The following TMC1 variants were observed in gnomAD, a reference collection of about 807,000 sequenced individuals.
TMC1 encodes transmembrane channel like 1.
TMC1 carries 84 observed loss-of-function variants against 105.8 expected under a neutral mutation model. The ratio of observed to expected loss-of-function variants is 0.79; its 90% CI spans 0.67 to 0.95. The LOEUF is 0.95. TMC1 is among the 40% of genes least tolerant of loss of function. The pLI is 0.00. For synonymous variants in TMC1, 315 were observed against 311.5 expected (o/e 1.01, Z -0.12); for missense variants, 817 against 914.1 (o/e 0.89, Z 1.37).
At chr9:72,653,975 C>A (rs1446332929) in intron 5 of TMC1, among the ~76,000 whole-genome samples, 3 of 152,056 alleles carry the variant, frequency 2.0e-5, no homozygotes, top group Non-Finnish European at 4.4e-5. Flanking sequence ...TAATTTGTTT[C>A]TTTTTATTGC....
chr9:72,544,799 T>TTTTTA (rs1554710229), intron 1 of TMC1, among the ~76,000 whole-genome samples: 53 of 150,682 alleles, frequency 3.5e-4, no homozygotes, highest in African/African-American at 1.3e-3. Flanking sequence ...TTTTTTTTTT[T>TTTTTA]AATTTCAATA....
chr9:72,688,834 T>A, intron 6 of TMC1, 78 bp downstream of exon 6: 1 of 1,218,526 alleles, frequency 8.2e-7, no homozygotes. Flanking sequence ...TCTTGTGGAC[T>A]TGAGCTACCA....
At chr9:72,656,951 CTGGT>C (rs1443303022) in intron 5 of TMC1, among the ~76,000 whole-genome samples, 2 of 152,192 alleles carry the variant, frequency 1.3e-5, no homozygotes, top group African/African-American at 2.4e-5. Context: ...TCTCCTCTGA[CTGGT>C]TGGTAGCCTA....
chr9:72,604,462 C>A (rs1824876176), intron 2 of TMC1, among the ~76,000 whole-genome samples: 1 of 152,214 alleles, frequency 6.6e-6, no homozygotes, highest in Non-Finnish European at 1.5e-5. Flanking sequence ...CCAATATCTT[C>A]ACATTTCTAC....
chr9:72,527,093 G>A (rs1288258803), intron 1 of TMC1, among the ~76,000 whole-genome samples: 1 of 152,198 alleles, frequency 6.6e-6, no homozygotes, highest in Non-Finnish European at 1.5e-5. Context: ...TAGGATGTTA[G>A]CTCTGAGGGG....
chr9:72,548,427 T>C (rs114768573), intron 1 of TMC1, among the ~76,000 whole-genome samples: 7,614 of 152,034 alleles, frequency 0.05, 303 homozygotes, highest in African/African-American at 0.11. Flanking sequence ...CAAAAATTAA[T>C]TGGGCATGGT....
chr9:72,650,651 C>T (rs746622030), intron 5 of TMC1, among the ~76,000 whole-genome samples: 93 of 151,832 alleles, frequency 6.1e-4, no homozygotes, highest in Non-Finnish European at 1.1e-3. Context: ...TCCCCTCCCT[C>T]ATTCTATCCT....
intron 17 of TMC1, among the ~76,000 whole-genome samples, chr9:72,795,045 G>T (rs1828339459): frequency 6.6e-6 from 1 of 152,114 alleles, no homozygotes; most frequent in South Asian, 2.1e-4. Context: ...TTGAAGACTG[G>T]CTCTCTGAAA....
intron 4 of TMC1, among the ~76,000 whole-genome samples, chr9:72,630,250 T>C (rs1025294089): frequency 1.3e-5 from 2 of 152,218 alleles, no homozygotes; most frequent in South Asian, 4.1e-4. Context: ...AATTACATGT[T>C]AAAACTAGGT....
intron 7 of TMC1, among the ~76,000 whole-genome samples, chr9:72,699,385 T>C (rs1486008057): frequency 1.3e-5 from 2 of 152,216 alleles, no homozygotes; most frequent in Admixed American, 6.5e-5. Context: ...AATTAACAGA[T>C]AACATTAAGT....
chr9:72,722,352 C>A (rs1310828949), intron 8 of TMC1, among the ~76,000 whole-genome samples: 1 of 152,104 alleles, frequency 6.6e-6, no homozygotes, highest in East Asian at 1.9e-4. Context: ...TATAGACATG[C>A]CAGGTACCTG....
At chr9:72,820,701 A>G in intron 19 of TMC1, 141 bp from the exon 20 acceptor site, 2 of 1,022,020 alleles carry the variant, frequency 2.0e-6, no homozygotes, top group South Asian at 2.8e-5. Flanking sequence ...CAGTTTCTTT[A>G]TGAAAAGGGT....
intron 7 of TMC1, among the ~76,000 whole-genome samples, chr9:72,697,091 G>T (rs1299473143): frequency 2.0e-5 from 3 of 152,098 alleles, no homozygotes; most frequent in Non-Finnish European, 2.9e-5. Flanking sequence ...AGACTTAAAA[G>T]ATATACCAAT....
intron 8 of TMC1, among the ~76,000 whole-genome samples, chr9:72,706,237 A>C (rs1215182318): frequency 6.6e-6 from 1 of 152,080 alleles, no homozygotes; most frequent in Non-Finnish European, 1.5e-5. Context: ...GTAGCTTAAG[A>C]TTTTCACAGG....
intron 1 of TMC1, among the ~76,000 whole-genome samples, chr9:72,542,438 C>T (rs1169193781): frequency 6.6e-6 from 1 of 151,296 alleles, no homozygotes; most frequent in Admixed American, 6.6e-5. Context: ...CCAGCCTGGG[C>T]GACAGAGCAA....
At chr9:72,582,384 T>TCC (rs1218598419) in intron 2 of TMC1, among the ~76,000 whole-genome samples, 1 of 152,086 alleles carries the variant, frequency 6.6e-6, no homozygotes, top group East Asian at 1.9e-4. Context: ...CTCCCTACCT[T>TCC]CCCCCCAGCC....
At chr9:72,717,865 C>A (rs575438030) in intron 8 of TMC1, among the ~76,000 whole-genome samples, 1 of 152,262 alleles carries the variant, frequency 6.6e-6, no homozygotes, top group African/African-American at 2.4e-5. Context: ...GGAAGTTTTC[C>A]TCTATTATTC....
intron 8 of TMC1, among the ~76,000 whole-genome samples, chr9:72,714,863 T>C (rs1826893018): frequency 1.3e-5 from 2 of 152,210 alleles, no homozygotes; most frequent in Admixed American, 1.3e-4. Flanking sequence ...ATAGCGTTGA[T>C]GGTCTTTACA....
At chr9:72,783,066 A>G (rs949831649) in intron 13 of TMC1, among the ~76,000 whole-genome samples, 1 of 152,186 alleles carries the variant, frequency 6.6e-6, no homozygotes, top group African/African-American at 2.4e-5. Flanking sequence ...ACAAGGCTAC[A>G]GTAACTAAAA....
Sources: gnomAD v4.1 joint callset for allele counts (sites outside exome capture counted in the v4.1 genomes callset) on GRCh38, gnomAD v4.1.1 for gene constraint, MANE v1.5 for transcripts, NCBI Gene and HGNC (gene_info 2026-07-23, HGNC 2026-07-21) for gene names.